The following CPS1 variants were observed in gnomAD, a reference collection of about 807,000 sequenced individuals.
CPS1 encodes the protein carbamoyl-phosphate synthase [ammonia], mitochondrial.
A neutral mutation model predicts 174.6 loss-of-function variants in CPS1; 109 were observed. The observed-to-expected ratio is 0.62, with a 90% confidence interval of 0.53 to 0.73. The LOEUF (loss-of-function observed/expected upper bound fraction) is 0.73, where lower values mean the gene tolerates loss of function less well. CPS1 is among the 30% of genes least tolerant of loss of function. CPS1 has a pLI of 0.00. For synonymous variants in CPS1, 637 were observed against 632.0 expected (o/e 1.01, Z -0.12); for missense variants, 1,689 against 1,821.9 (o/e 0.93, Z 1.33).
At position 210,500,359 on chromosome 2, in the gene CPS1, A is replaced by G. The variant is rs563970277; in HGVS notation, c.3+22593A>G. On this transcript the variant is annotated intron_variant, in intron 1 of 38. Transcript: ENST00000430249. ...CCCCAAAGTCTTAATTCATTCCAGC[A>G]TTAACCCAAAAGTCAAAGTCCAAAG... is the stretch of plus-strand genomic sequence containing the variant. Among the ~76,000 whole-genome samples, 7 of 152,286 alleles carry G rather than the reference A, an allele frequency of 4.6e-5. No individual in the cohort carries two copies. In the East Asian group the frequency reaches 1.2e-3, roughly 25 times the overall value.
chr2:210,543,503 A>G (rs1696485971), intron 1 of CPS1, among the ~76,000 whole-genome samples: 1 of 152,016 alleles, frequency 6.6e-6, no homozygotes, highest in Non-Finnish European at 1.5e-5. Context: ...TGACCCATTT[A>G]ATTAATATGT....
At chr2:210,552,463 C>T (rs1433645636), upstream of CPS1, among the ~76,000 whole-genome samples, 1 of 151,970 alleles carries the variant, frequency 6.6e-6, no homozygotes, top group Admixed American at 6.6e-5. Flanking sequence ...ATGTTAGAGA[C>T]TTTTTGATAG....
chr2:210,597,755 G>A (rs1698537683), intron 13 of CPS1, among the ~76,000 whole-genome samples: 1 of 151,538 alleles, frequency 6.6e-6, no homozygotes, highest in African/African-American at 2.4e-5. Context: ...ATCCTTAGTA[G>A]CCTACATAAA....
chr2:210,537,305 A>G (rs892275926), intron 1 of CPS1, among the ~76,000 whole-genome samples: 2 of 152,198 alleles, frequency 1.3e-5, no homozygotes, highest in African/African-American at 4.8e-5. Context: ...TATGTGAATA[A>G]TATTTTTTCT....
At chr2:210,479,391 C>A (rs4673532) in intron 1 of CPS1, among the ~76,000 whole-genome samples, 62,528 of 148,564 alleles carry the variant, frequency 0.42, 14,710 homozygotes, top group East Asian at 0.61. Context: ...TGCAGTGGCA[C>A]GATCTCGGCT....
chr2:210,530,492 A>G lies in CPS1; in HGVS notation c.4-26227A>G, dbSNP rs866625106. On this transcript the variant is annotated intron_variant, in intron 1 of 38. Coordinates refer to the CPS1 transcript ENST00000430249. ...ACCACTTTACAAGAGAGAGATTTAC[A>G]TAAGATTCTTTTGGTTCTGGCTTGA... Among the ~76,000 whole-genome samples, 8 of 152,108 alleles carry G rather than the reference A, an allele frequency of 5.3e-5. 1 individual carries two copies. The highest frequency in any genetic ancestry group is 4.6e-4 in the Admixed American group (7 of 15,240).
intron 1 of CPS1, among the ~76,000 whole-genome samples, chr2:210,547,475 C>A (rs1409550957): frequency 6.6e-6 from 1 of 151,848 alleles, no homozygotes; most frequent in Non-Finnish European, 1.5e-5. Flanking sequence ...GTTACCTTCA[C>A]AATATTTTTT....
At position 210,655,016 on chromosome 2, in the gene CPS1, C is replaced by A. The variant is rs567129418; in HGVS notation, c.3558+914C>A. ...TCCCTGGAAGGTGGTCATCTGTTTT[C>A]TTTTAAACACTTTGGTGATACAAAG... On this transcript the variant is annotated intron_variant, in intron 29 of 37. Coordinates refer to ENST00000233072, the MANE Select transcript of CPS1 (RefSeq NM_001875.5). 1.1e-4 allele frequency among the ~76,000 whole-genome samples: 16 copies of A among 152,224 alleles called. No homozygotes were observed. In the South Asian group the frequency reaches 3.3e-3, roughly 32 times the overall value.
chr2:210,616,145 A>T (rs552092918), intron 20 of CPS1, among the ~76,000 whole-genome samples: 1 of 152,152 alleles, frequency 6.6e-6, no homozygotes, highest in African/African-American at 2.4e-5. Context: ...AACACAATCA[A>T]ATAAAGAGGA....
At chr2:210,522,308 T>A (rs561211130) in intron 1 of CPS1, among the ~76,000 whole-genome samples, 1 of 152,168 alleles carries the variant, frequency 6.6e-6, no homozygotes, top group Non-Finnish European at 1.5e-5. Context: ...GTCAAATTTT[T>A]AAGTTTTGAT....
At position 210,556,696 on chromosome 2, in the gene CPS1, T is replaced by G; in HGVS notation, c.-38T>G. On this transcript the variant is annotated 5_prime_UTR_variant, in exon 1 of 38. Transcript: ENST00000233072. Reference sequence around the variant, plus strand: ...TCTTATCACACAATCTCATAAAATTTATGTAATTTCATTTAATTTTAGCCA... The same window carrying G: ...TCTTATCACACAATCTCATAAAATTGATGTAATTTCATTTAATTTTAGCCA... 2 of 1,608,168 alleles carry G rather than the reference T, an allele frequency of 1.2e-6. No individual in the cohort carries two copies. Among genetic ancestry groups the G allele is most frequent in the Non-Finnish European group, 1.7e-6 (2 of 1,177,606 alleles).
At chr2:210,511,145 T>G (rs1175868911) in intron 1 of CPS1, among the ~76,000 whole-genome samples, 1 of 150,678 alleles carries the variant, frequency 6.6e-6, no homozygotes, top group African/African-American at 2.4e-5. Flanking sequence ...TGTCCAACAA[T>G]GATAGACTGG....
At position 210,608,614 on chromosome 2, in the gene CPS1, T is replaced by C. The variant is rs1699008203; in HGVS notation, c.2391+55T>C. ...CTTGTTCTCAGTTATTTTGTTAAAT[T>C]TGTGACACCATTGACAGTGTTAAAG... On this transcript the variant is annotated intron_variant, in intron 19 of 37. Coordinates refer to ENST00000233072, the MANE Select transcript of CPS1 (RefSeq NM_001875.5). The C allele has an allele frequency of 5.8e-6, 9 of 1,558,196 alleles. No individual in the cohort carries two copies. The East Asian group carries it at 2.0e-4, about 35-fold the overall frequency.
At chr2:210,595,649 A>G in intron 13 of CPS1, 67 bp downstream of exon 13, 1 of 1,099,990 alleles carries the variant, frequency 9.1e-7, no homozygotes, top group South Asian at 1.3e-5. Flanking sequence ...GTATTTTATA[A>G]TTTAGATTTA....
intron 6 of CPS1, among the ~76,000 whole-genome samples, chr2:210,585,985 C>T (rs1453275659): frequency 2.6e-5 from 4 of 151,308 alleles, no homozygotes; most frequent in Non-Finnish European, 5.9e-5. Context: ...AATCAGAAGG[C>T]GTATAGAGGA....
At chr2:210,489,159 C>G (rs967430164) in intron 1 of CPS1, among the ~76,000 whole-genome samples, 2 of 151,936 alleles carry the variant, frequency 1.3e-5, no homozygotes, top group Admixed American at 6.6e-5. Flanking sequence ...TCAGTGCAAA[C>G]AGCCCTGAAA....
At chr2:210,621,031 A>G (rs560271702) in intron 21 of CPS1, among the ~76,000 whole-genome samples, 1 of 152,220 alleles carries the variant, frequency 6.6e-6, no homozygotes, top group Admixed American at 6.5e-5. Flanking sequence ...CTTAGGTAAT[A>G]ACCATTATTT....
intron 19 of CPS1, among the ~76,000 whole-genome samples, chr2:210,609,133 T>G (rs1699024685): frequency 6.6e-6 from 1 of 151,980 alleles, no homozygotes. Flanking sequence ...TACTAAAAAG[T>G]TCTAAGCTTT....
At chr2:210,555,161 C>A (rs1696870467), upstream of CPS1, among the ~76,000 whole-genome samples, 1 of 152,002 alleles carries the variant, frequency 6.6e-6, no homozygotes, top group East Asian at 1.9e-4. Context: ...TGCATCTAGG[C>A]TTTTAAAAAA....
Sources: allele counts gnomAD v4.1 joint callset (sites outside exome capture counted in the v4.1 genomes callset), GRCh38; gene constraint gnomAD v4.1.1; transcripts MANE v1.5; gene names NCBI Gene and HGNC (gene_info 2026-07-23, HGNC 2026-07-21).